Variants in FLT1 observed in about 807,000 individuals in gnomAD.
The protein encoded by FLT1 is fms related receptor tyrosine kinase 1, also known as vascular endothelial growth factor receptor 1.
Under a neutral mutation model 156.3 loss-of-function variants are expected in FLT1, and 49 were observed. That is an observed-to-expected ratio of 0.31 (90% CI 0.25 to 0.40). The LOEUF (loss-of-function observed/expected upper bound fraction) is 0.40. FLT1 is among the 10% of genes least tolerant of loss of function. FLT1 has a pLI of 1.00. For synonymous variants in FLT1, 594 were observed against 583.8 expected (o/e 1.02, Z -0.25); for missense variants, 1,322 against 1,637.2 (o/e 0.81, Z 3.32).
intron 15 of FLT1, among the ~76,000 whole-genome samples, chr13:28,347,883 C>T (rs1326597189): frequency 1.3e-5 from 2 of 152,220 alleles, no homozygotes; most frequent in Non-Finnish European, 2.9e-5. Context: ...CAAAGTCACA[C>T]AGCCTGCAAG....
intron 4 of FLT1, among the ~76,000 whole-genome samples, chr13:28,437,002 T>G (rs1003587658): frequency 6.6e-6 from 1 of 152,130 alleles, no homozygotes; most frequent in African/African-American, 2.4e-5. Flanking sequence ...CTTGTCTTCC[T>G]CCTATATGAA....
At chr13:28,355,271 T>C (rs1872859299) in intron 15 of FLT1, among the ~76,000 whole-genome samples, 1 of 152,230 alleles carries the variant, frequency 6.6e-6, no homozygotes, top group Admixed American at 6.5e-5. Context: ...AGATTGAAGA[T>C]ACTACTATTG....
rs1875483486 is a variant in FLT1 at position 28,402,194 on chromosome 13, G to A, written c.1551+3586C>T. Among the ~76,000 whole-genome samples the A allele has an allele frequency of 2.0e-5, 3 of 152,186 alleles. No individual in the cohort carries two copies. The South Asian group carries it at 6.2e-4, about 31-fold the overall frequency. On this transcript the variant is annotated intron_variant, in intron 11 of 29. Coordinates refer to ENST00000282397, the MANE Select transcript of FLT1 (RefSeq NM_002019.4). ...AAAAATCCAAGGTGCTCCAGCGTGA[G>A]TGTGATCGCTGCCCCACTGATCTGT...
At chr13:28,389,343 T>G in intron 13 of FLT1, 1 of 1,234,228 alleles carries the variant, frequency 8.1e-7, no homozygotes, top group Non-Finnish European at 1.0e-6. Context: ...CAGCATTTGT[T>G]TAAATTATTC....
chr13:28,395,134 TG>T (rs1022923476), intron 12 of FLT1, among the ~76,000 whole-genome samples: 3 of 152,236 alleles, frequency 2.0e-5, no homozygotes, highest in African/African-American at 7.2e-5. Context: ...AAATTGATCC[TG>T]ACCTCTCAGG....
chr13:28,409,501 A>C (rs1566010901), intron 10 of FLT1, among the ~76,000 whole-genome samples: 1 of 151,906 alleles, frequency 6.6e-6, no homozygotes, highest in Non-Finnish European at 1.5e-5. Flanking sequence ...TGCGAGGATA[A>C]TTTTTGTATT....
At chr13:28,404,305 C>T (rs1422541383) in intron 11 of FLT1, among the ~76,000 whole-genome samples, 2 of 152,152 alleles carry the variant, frequency 1.3e-5, no homozygotes, top group African/African-American at 4.8e-5. Flanking sequence ...CTAATTTCTA[C>T]AGTGGCTTAC....
intron 19 of FLT1, among the ~76,000 whole-genome samples, chr13:28,328,946 CCT>C (rs1871808611): frequency 6.6e-6 from 1 of 152,214 alleles, no homozygotes; most frequent in South Asian, 2.1e-4. Flanking sequence ...GCCTTTAGCT[CCT>C]CTCTAACCAC....
chr13:28,387,147 G>T, intron 13 of FLT1: 1 of 1,035,614 alleles, frequency 9.7e-7, no homozygotes, highest in Non-Finnish European at 1.2e-6. Context: ...ACAAACTTCA[G>T]ATGATAGAAG....
intron 3 of FLT1, among the ~76,000 whole-genome samples, chr13:28,453,172 G>A (rs983138858): frequency 6.8e-6 from 1 of 147,484 alleles, no homozygotes; most frequent in Non-Finnish European, 1.5e-5. Context: ...TGCCCAGGCT[G>A]GAGTGCAATG....
intron 3 of FLT1, among the ~76,000 whole-genome samples, chr13:28,459,437 A>C (rs1161343429): frequency 6.6e-6 from 1 of 152,166 alleles, no homozygotes; most frequent in Non-Finnish European, 1.5e-5. Context: ...CATTTCAGAA[A>C]ATACATGGAA....
intron 13 of FLT1, chr13:28,386,396 C>T (rs1200698259): frequency 2.9e-6 from 3 of 1,026,166 alleles, no homozygotes; most frequent in Non-Finnish European, 2.4e-6. Flanking sequence ...AAACAGATTT[C>T]TCAATAAATT....
At chr13:28,417,261 A>G (rs1253191629) in intron 10 of FLT1, among the ~76,000 whole-genome samples, 1 of 152,214 alleles carries the variant, frequency 6.6e-6, no homozygotes, top group Non-Finnish European at 1.5e-5. Context: ...CTGATGAACC[A>G]ACCACATTCA....
At chr13:28,464,251 A>T (rs625980) in intron 3 of FLT1, among the ~76,000 whole-genome samples, 39,223 of 152,134 alleles carry the variant, frequency 0.26, 7,196 homozygotes, top group African/African-American at 0.51. Flanking sequence ...AAACAATCTA[A>T]GTGATAGATA....
intron 12 of FLT1, among the ~76,000 whole-genome samples, chr13:28,391,068 T>C (rs1226796288): frequency 6.6e-6 from 1 of 152,182 alleles, no homozygotes; most frequent in African/African-American, 2.4e-5. Flanking sequence ...TATTCAGACC[T>C]GAGAGAGCAA....
intron 12 of FLT1, among the ~76,000 whole-genome samples, chr13:28,396,347 A>C (rs193149058): frequency 1.2e-4 from 19 of 152,226 alleles, no homozygotes; most frequent in South Asian, 4.1e-4. Context: ...TGAGCTACTT[A>C]CTTCCTTCCT....
Position 28,322,931 on chromosome 13 carries a change from T to A in FLT1, c.2812A>T (p.Met938Leu). The change falls in exon 21 of 30, where the codon ATG becomes TTG. Residue 938 changes from methionine to leucine, a missense_variant. Around this residue, in one of 3 missense-constraint regions of FLT1, gnomAD observed 991 missense variants for 1,254.8 expected, o/e 0.79. Transcript: ENST00000282397. This position sits in a 1 kb window ranked among gnomAD's most constrained non-coding sequence, Gnocchi z 4.3. ...TCCATTTTTTCTTTCTTAGGCTCCA[T>A]GTGTAGTGCTGCATCCTTTGAAGAG... is the stretch of plus-strand genomic sequence containing the variant. ...FFLNKDAALH[M>L]EPKKEKMEPG... 1 of 1,614,116 alleles carries A rather than the reference T, an allele frequency of 6.2e-7. No homozygotes were observed.
chr13:28,414,637 G>A (rs960870693), intron 10 of FLT1, among the ~76,000 whole-genome samples: 3 of 152,152 alleles, frequency 2.0e-5, no homozygotes, highest in Admixed American at 6.5e-5. Flanking sequence ...AGCTACTTAC[G>A]TATGGACAGG....
chr13:28,396,725 T>A, intron 12 of FLT1: 1 of 633,094 alleles, frequency 1.6e-6, no homozygotes, highest in Non-Finnish European at 2.9e-6. Context: ...CATAATCCAG[T>A]CTGGGAGGGA....
Sources: gnomAD v4.1 joint callset for allele counts (sites outside exome capture counted in the v4.1 genomes callset) on GRCh38, gnomAD v4.1.1 for gene constraint, gnomAD v4.1.1 regional missense constraint, Gnocchi (gnomAD v3.1) non-coding constraint, MANE v1.5 for transcripts, NCBI Gene and HGNC (gene_info 2026-07-23, HGNC 2026-07-21) for gene names.